GADL1: variants seen among roughly 807,000 people sequenced by gnomAD.
The protein encoded by GADL1 is acidic amino acid decarboxylase GADL1.
GADL1 carries 71 observed loss-of-function variants against 69.5 expected under a neutral mutation model. That is an observed-to-expected ratio of 1.02 (90% CI 0.84 to 1.25). The LOEUF (loss-of-function observed/expected upper bound fraction) is 1.25. GADL1 is among the 50% of genes most tolerant of loss of function. The pLI is 0.00. For missense variants in GADL1, 737 were observed against 631.8 expected, an observed-to-expected ratio of 1.17 and a Z score of -1.79; for synonymous variants, 254 against 214.4, an observed-to-expected ratio of 1.18 and a Z score of -1.62.
intron 14 of GADL1, among the ~76,000 whole-genome samples, chr3:30,749,424 C>A (rs1284207793): frequency 6.6e-6 from 1 of 152,198 alleles, no homozygotes; most frequent in African/African-American, 2.4e-5. Context: ...CTTTTCAACT[C>A]TTCTATTGTT....
intron 14 of GADL1, among the ~76,000 whole-genome samples, chr3:30,729,342 T>TA (rs1215684682): frequency 1.3e-5 from 2 of 152,168 alleles, no homozygotes; most frequent in African/African-American, 4.8e-5. Flanking sequence ...GTCTTGGAAA[T>TA]ACAAGCAAAG....
At chr3:30,816,990 C>T (rs1697488868) in intron 11 of GADL1, among the ~76,000 whole-genome samples, 2 of 152,130 alleles carry the variant, frequency 1.3e-5, no homozygotes, top group Admixed American at 6.5e-5. Context: ...TCAGCATACC[C>T]TCTAAAAAGT....
chr3:30,861,883 G>T, intron 1 of GADL1, 118 bp from the exon 2 acceptor site: 1 of 636,212 alleles, frequency 1.6e-6, no homozygotes, highest in Non-Finnish European at 2.6e-6. Context: ...AATACATGAA[G>T]GCATCATTTG....
At chr3:30,756,877 T>C (rs1261036432) in intron 14 of GADL1, among the ~76,000 whole-genome samples, 1 of 126,026 alleles carries the variant, frequency 7.9e-6, no homozygotes, top group Non-Finnish European at 1.6e-5. Flanking sequence ...TTGATTGTGT[T>C]TAAACCACTG....
intron 11 of GADL1, among the ~76,000 whole-genome samples, chr3:30,814,249 G>A (rs187856756): frequency 1.3e-5 from 2 of 152,242 alleles, no homozygotes; most frequent in African/African-American, 2.4e-5. Flanking sequence ...ATCTTGCTGG[G>A]TTTCAAGGTC....
At chr3:30,879,243 T>C (rs2125544143) in intron 1 of GADL1, among the ~76,000 whole-genome samples, 1 of 152,070 alleles carries the variant, frequency 6.6e-6, no homozygotes, top group African/African-American at 2.4e-5. Flanking sequence ...ACTTTAGCTT[T>C]TGGTGATGGT....
intron 8 of GADL1, among the ~76,000 whole-genome samples, 191 bp from the exon 9 acceptor site, chr3:30,839,304 C>T (rs901195427): frequency 6.6e-6 from 1 of 151,870 alleles, no homozygotes; most frequent in Non-Finnish European, 1.5e-5. Context: ...ATTAAGGAAA[C>T]AGAAAATGCT....
chr3:30,886,900 ACTT>A (rs1477698771), intron 1 of GADL1, among the ~76,000 whole-genome samples: 1 of 150,640 alleles, frequency 6.6e-6, no homozygotes, highest in African/African-American at 2.5e-5. Flanking sequence ...ACTTCTTTCT[ACTT>A]AATAATGATA....
chr3:30,771,867 A>T (rs1390369068), intron 14 of GADL1, among the ~76,000 whole-genome samples: 1 of 150,812 alleles, frequency 6.6e-6, no homozygotes, highest in Non-Finnish European at 1.5e-5. Context: ...AGGAGACGTT[A>T]TACACAGGAT....
intron 1 of GADL1, among the ~76,000 whole-genome samples, chr3:30,875,762 C>T (rs978662248): frequency 2.6e-5 from 4 of 151,818 alleles, no homozygotes; most frequent in Non-Finnish European, 5.9e-5. Context: ...AGCAGTGGCC[C>T]AGCCTCTCTG....
rs1698602130 is a variant in GADL1 at position 30,878,224 on chromosome 3, T to C, written c.37+16354A>G. Among the ~76,000 whole-genome samples, 5 of 152,044 alleles carry C rather than the reference T, an allele frequency of 3.3e-5. No homozygotes were observed. The Middle Eastern group carries it at 0.017, about 517-fold the overall frequency. On this transcript the variant is annotated intron_variant, in intron 1 of 14. Coordinates refer to ENST00000282538, the MANE Select transcript of GADL1 (RefSeq NM_207359.3). ...CACCTTGTCACTCTAACAATGATTC[T>C]ATGGCTAAAGCCTAATTTTAAAATT...
intron 14 of GADL1, among the ~76,000 whole-genome samples, chr3:30,766,345 C>T (rs1471984681): frequency 6.6e-6 from 1 of 152,204 alleles, no homozygotes; most frequent in Non-Finnish European, 1.5e-5. Context: ...CACAGTCACA[C>T]AAGCTCCTGA....
intron 14 of GADL1, among the ~76,000 whole-genome samples, chr3:30,730,389 T>G (rs1023379122): frequency 6.6e-6 from 1 of 152,210 alleles, no homozygotes; most frequent in Non-Finnish European, 1.5e-5. Context: ...ATCATTGTGA[T>G]CACACTAGGC....
At chr3:30,858,950 G>C (rs1208804254) in intron 2 of GADL1, among the ~76,000 whole-genome samples, 1 of 151,942 alleles carries the variant, frequency 6.6e-6, no homozygotes, top group Non-Finnish European at 1.5e-5. Context: ...CCATAACCAA[G>C]AAGAAAGAAT....
chr3:30,794,310 A>C (rs1282629193), intron 12 of GADL1, among the ~76,000 whole-genome samples: 1 of 140,894 alleles, frequency 7.1e-6, no homozygotes, highest in African/African-American at 2.7e-5. Context: ...TGTTGTTGAA[A>C]AGACTTAGAC....
chr3:30,747,120 C>A lies in GADL1; in HGVS notation c.1393-18705G>T, dbSNP rs113652630. Among the ~76,000 whole-genome samples the A allele has an allele frequency of 5.2e-3, 799 of 152,300 alleles. 9 individuals carry two copies. The highest frequency in any genetic ancestry group is 0.018 in the African/African-American group (735 of 41,548). ...GCCTCTCAGATGATTTTTACTATCA[C>A]AGGCCTGGGGAAAGTGATTTGCACA... On this transcript the variant is annotated intron_variant, in intron 14 of 14. Transcript: ENST00000282538.
At chr3:30,837,856 A>C (rs150673660) in intron 9 of GADL1, among the ~76,000 whole-genome samples, 2 of 152,266 alleles carry the variant, frequency 1.3e-5, no homozygotes, top group Admixed American at 6.5e-5. Context: ...AAATGCTAAA[A>C]TCCCGTTAAC....
In GADL1 at chr3:30,803,591, G is replaced by A. The variant is rs1429230889; in HGVS notation, c.1051-2503C>T. ...ATCATCATAAGCAAGTGGAGAACAA[G>A]AGAGCCAAGAAAGCAAATAGCAGAA... On this transcript the variant is annotated intron_variant, in intron 11 of 14. Coordinates refer to ENST00000282538, the MANE Select transcript of GADL1 (RefSeq NM_207359.3). 2.0e-5 allele frequency among the ~76,000 whole-genome samples: 3 copies of A among 152,202 alleles called. No individual in the cohort carries two copies. The East Asian group carries it at 5.8e-4, about 29-fold the overall frequency.
intron 11 of GADL1, among the ~76,000 whole-genome samples, chr3:30,818,128 G>A (rs1472921014): frequency 1.3e-5 from 2 of 152,110 alleles, no homozygotes; most frequent in South Asian, 2.1e-4. Context: ...TGGGCATAAT[G>A]AACCCTTGCT....
Sources: allele counts gnomAD v4.1 joint callset (sites outside exome capture counted in the v4.1 genomes callset), GRCh38; gene constraint gnomAD v4.1.1; transcripts MANE v1.5; gene names NCBI Gene and HGNC (gene_info 2026-07-23, HGNC 2026-07-21).